RYR2: variants seen among roughly 807,000 people sequenced by gnomAD.
The protein encoded by RYR2 is cardiac muscle ryanodine receptor-calcium release channel.
In RYR2, 227 loss-of-function variants were observed where a neutral mutation model predicts 601.1. The observed-to-expected ratio is 0.38, with a 90% CI of 0.34 to 0.42. RYR2 has a LOEUF of 0.42. RYR2 is among the 10% of genes least tolerant of loss of function. The pLI, the probability that RYR2 is intolerant of heterozygous loss-of-function variation, is 1.00. For missense variants in RYR2, 4,646 were observed against 6,156.5 expected, an observed-to-expected ratio of 0.75 and a Z score of 8.21; for synonymous variants, 2,223 against 2,175.1, an observed-to-expected ratio of 1.02 and a Z score of -0.61.
intron 17 of RYR2, among the ~76,000 whole-genome samples, chr1:237,481,513 G>A (rs1235003468): frequency 6.6e-6 from 1 of 152,110 alleles, no homozygotes; most frequent in Non-Finnish European, 1.5e-5. Context: ...GTTTTGGGTA[G>A]ACCCAATTCT....
At chr1:237,680,100 A>G (rs948477338) in intron 61 of RYR2, among the ~76,000 whole-genome samples, 1 of 152,216 alleles carries the variant, frequency 6.6e-6, no homozygotes, top group African/African-American at 2.4e-5. Flanking sequence ...TGCTATTATC[A>G]GTTGCAATGT....
chr1:237,634,783 A>C, intron 43 of RYR2, 106 bp from the exon 44 acceptor site: 1 of 781,808 alleles, frequency 1.3e-6, no homozygotes, highest in Non-Finnish European at 2.1e-6. Flanking sequence ...TTAATACACT[A>C]TGGATGGTGT....
intron 1 of RYR2, among the ~76,000 whole-genome samples, chr1:237,254,904 G>T (rs1208331238): frequency 1.3e-5 from 2 of 152,140 alleles, no homozygotes; most frequent in Non-Finnish European, 2.9e-5. Flanking sequence ...ACAAGGAGAT[G>T]CCTTGGAGTG....
At chr1:237,721,049 G>A (rs148150584) in intron 73 of RYR2, among the ~76,000 whole-genome samples, 115 of 152,196 alleles carry the variant, frequency 7.6e-4, no homozygotes, top group African/African-American at 2.6e-3. Context: ...GAGTTAGGCA[G>A]GCATATTAAT....
chr1:237,182,670 T>C (rs1678908900), intron 1 of RYR2, among the ~76,000 whole-genome samples: 1 of 152,222 alleles, frequency 6.6e-6, no homozygotes. Flanking sequence ...TGGCTGTAGA[T>C]TGTTAGTTAC....
intron 23 of RYR2, among the ~76,000 whole-genome samples, chr1:237,508,155 T>C (rs1042448572): frequency 1.3e-5 from 2 of 152,000 alleles, no homozygotes; most frequent in Non-Finnish European, 2.9e-5. Flanking sequence ...TAGAGACCAG[T>C]TTCACCATGT....
At chr1:237,129,940 G>T (rs1364058696) in intron 1 of RYR2, among the ~76,000 whole-genome samples, 2 of 152,078 alleles carry the variant, frequency 1.3e-5, no homozygotes, top group Non-Finnish European at 1.5e-5. Flanking sequence ...CTTGGCTGGG[G>T]TTAGGGAGGA....
At chr1:237,232,398 T>C (rs1000664687) in intron 1 of RYR2, among the ~76,000 whole-genome samples, 1 of 152,196 alleles carries the variant, frequency 6.6e-6, no homozygotes, top group African/African-American at 2.4e-5. Context: ...AGTTTCTGTA[T>C]GGCTGAACAT....
intron 1 of RYR2, among the ~76,000 whole-genome samples, chr1:237,214,433 G>A (rs1215489971): frequency 2.0e-5 from 3 of 152,156 alleles, no homozygotes; most frequent in Non-Finnish European, 4.4e-5. Context: ...CATTGCAGAA[G>A]GGCATAGAGG....
rs1573369150 is a variant in RYR2 at position 237,655,970 on chromosome 1, T to C, written c.8115T>C (p.Pro2705=). ...MDSEGNFNPQ[P]VDTSNITIPE... is the part of the protein sequence containing the mutation. Reference sequence around the variant, plus strand: ...CTGAAGGGAACTTTAACCCACAACCTGTTGATACCTCAAAGTATGGACTCT... The same window carrying C: ...CTGAAGGGAACTTTAACCCACAACCCGTTGATACCTCAAAGTATGGACTCT... Residue 2705 remains proline (P), a synonymous_variant, in exon 53 of 105, where the codon CCT becomes CCC. Transcript: ENST00000366574. The C allele has an allele frequency of 6.2e-7, 1 of 1,613,252 alleles. No individual in the cohort carries two copies. Among genetic ancestry groups the C allele is most frequent in the Non-Finnish European group, 8.5e-7 (1 of 1,179,572 alleles).
intron 5 of RYR2, among the ~76,000 whole-genome samples, chr1:237,368,581 C>A (rs1042347666): frequency 2.6e-5 from 4 of 152,236 alleles, no homozygotes; most frequent in Non-Finnish European, 4.4e-5. Context: ...TGAAACTTCT[C>A]TGTGTCTACC....
At position 237,265,382 on chromosome 1, in the gene RYR2, C is replaced by T. The variant is rs1021900700; in HGVS notation, c.49-5115C>T. Among the ~76,000 whole-genome samples, 11 of 152,036 alleles carry T rather than the reference C, an allele frequency of 7.2e-5. 1 individual carries two copies. Among genetic ancestry groups the T allele is most frequent in the African/African-American group, 2.7e-4 (11 of 41,396 alleles). On this transcript the variant is annotated intron_variant, in intron 1 of 104. Coordinates refer to ENST00000366574, the MANE Select transcript of RYR2 (RefSeq NM_001035.3). The stretch of plus-strand genomic sequence containing the variant: ...AGTTGCCCAAGCTGGAGCACAGTAG[C>T]ACAATCTCGGATCACTGCAACCTCT...
At chr1:237,224,292 C>T (rs529874874) in intron 1 of RYR2, among the ~76,000 whole-genome samples, 1 of 152,072 alleles carries the variant, frequency 6.6e-6, no homozygotes, top group Admixed American at 6.6e-5. Flanking sequence ...ATATGTAGAT[C>T]TTAGTCTATT....
At chr1:237,506,676 T>C in intron 22 of RYR2, 34 bp from the exon 23 acceptor site, 2 of 1,513,212 alleles carry the variant, frequency 1.3e-6, no homozygotes, top group Non-Finnish European at 1.8e-6. Context: ...TGCATTTGTT[T>C]CTGATGTGTC....
intron 1 of RYR2, among the ~76,000 whole-genome samples, chr1:237,193,150 C>A (rs1417598092): frequency 7.4e-5 from 1 of 13,604 alleles, no homozygotes; most frequent in East Asian, 3.1e-3. Context: ...GTGAAACCTC[C>A]GTCTCTGCTA....
chr1:237,733,312 A>G (rs1310556059), intron 78 of RYR2, among the ~76,000 whole-genome samples: 2 of 152,184 alleles, frequency 1.3e-5, no homozygotes, highest in African/African-American at 2.4e-5. Context: ...TAATTGTCAT[A>G]TCATAATTTG....
At chr1:237,744,853 G>C (rs1383043802) in intron 80 of RYR2, among the ~76,000 whole-genome samples, 1 of 146,922 alleles carries the variant, frequency 6.8e-6, no homozygotes, top group Non-Finnish European at 1.5e-5. Context: ...CTGGAGTGCA[G>C]TGGCAGGATC....
chr1:237,687,567 A>C, intron 63 of RYR2, 63 bp downstream of exon 63: 1 of 1,257,516 alleles, frequency 8.0e-7, no homozygotes, highest in East Asian at 2.4e-5. Context: ...CCATTTTTGC[A>C]CTGTGTTGTG....
At chr1:237,613,560 A>ACAAT (rs1166601900) in intron 36 of RYR2, among the ~76,000 whole-genome samples, 2 of 152,158 alleles carry the variant, frequency 1.3e-5, no homozygotes, top group African/African-American at 4.8e-5. Context: ...GATCCTTGAT[A>ACAAT]CAATGGAGGA....
Sources: allele counts gnomAD v4.1 joint callset (sites outside exome capture counted in the v4.1 genomes callset), GRCh38; gene constraint gnomAD v4.1.1; transcripts MANE v1.5; gene names NCBI Gene and HGNC (gene_info 2026-07-23, HGNC 2026-07-21).